Variants in AXL observed in about 807,000 individuals in gnomAD.
AXL encodes the protein AXL receptor tyrosine kinase.
AXL carries 52 observed loss-of-function variants against 104.5 expected under a neutral mutation model. The observed-to-expected ratio is 0.50, with a 90% CI of 0.40 to 0.63. The LOEUF is 0.63. AXL is among the 20% of genes least tolerant of loss of function. The pLI is 0.00. For synonymous variants in AXL, 455 were observed against 473.7 expected, an observed-to-expected ratio of 0.96 and a Z score of 0.51; for missense variants, 1,024 against 1,188.5, an observed-to-expected ratio of 0.86 and a Z score of 2.04.
Position 41,231,028 on chromosome 19 carries a change from C to T in AXL, c.648C>T (p.Ser216=). 3 of 1,613,980 alleles carry T rather than the reference C, an allele frequency of 1.9e-6. No homozygotes were observed. The highest frequency in any genetic ancestry group is 2.5e-6 in the Non-Finnish European group (3 of 1,179,910). ...ATAACGCCAAGGGGGTCACCACATC[C>T]CGCACAGCCACCATCACAGGTGACA... ...EAHNAKGVTT[S]RTATITVLPQ... Residue 216 remains serine, a synonymous_variant, in exon 5 of 20, where the codon TCC becomes TCT. Coordinates refer to ENST00000301178, the MANE Select transcript of AXL (RefSeq NM_021913.5).
chr19:41,259,483 C>A, intron 19 of AXL, 70 bp from the exon 20 acceptor site: 1 of 1,378,342 alleles, frequency 7.3e-7, no homozygotes, highest in Non-Finnish European at 9.9e-7. Flanking sequence ...CCTAAAATGT[C>A]CCCAGGCTTC....
At chr19:41,255,762 A>G (rs2034443283) in intron 17 of AXL, among the ~76,000 whole-genome samples, 2 of 147,470 alleles carry the variant, frequency 1.4e-5, no homozygotes, top group Admixed American at 6.8e-5. Context: ...TGTTTTTGAG[A>G]CGGAGTCTCA....
At chr19:41,253,792 C>A (rs1713253332) in intron 17 of AXL, 84 bp downstream of exon 17, 1 of 1,115,554 alleles carries the variant, frequency 9.0e-7, no homozygotes, top group Non-Finnish European at 1.3e-6. Context: ...AGGATGGAAG[C>A]AGGGCTAGAC....
At chr19:41,227,249 A>G (rs1179909391) in intron 4 of AXL, among the ~76,000 whole-genome samples, 1 of 152,124 alleles carries the variant, frequency 6.6e-6, no homozygotes, top group Non-Finnish European at 1.5e-5. Context: ...AGCCCCCACA[A>G]AAGCCTGAAA....
chr19:41,221,676 G>A (rs887145173), intron 3 of AXL: 3 of 577,364 alleles, frequency 5.2e-6, no homozygotes, highest in South Asian at 2.2e-5. Context: ...CTCAGCTATC[G>A]TGGGGGGTCT....
intron 10 of AXL, 61 bp from the exon 11 acceptor site, chr19:41,242,822 G>T: frequency 6.2e-7 from 1 of 1,601,802 alleles, no homozygotes; most frequent in Non-Finnish European, 8.5e-7. Flanking sequence ...TCACCCCTTT[G>T]GGTCCCAGAG....
At position 41,221,230 on chromosome 19, in the gene AXL, C is replaced by T. The variant is rs1272387410; in HGVS notation, c.393C>T (p.Gly131=). The T allele has an allele frequency of 1.9e-6, 3 of 1,613,890 alleles. No homozygotes were observed. Among genetic ancestry groups the T allele is most frequent in the Middle Eastern group, 1.7e-4 (1 of 6,060 alleles). ...ATCAGACCTTCGTGTCCCAGCCTGG[C>T]TATGTTGGGCTGGAGGGTGAGCTCT... ...LGHQTFVSQP[G]YVGLEGLPYF... Residue 131 remains glycine (G), a synonymous_variant, in exon 3 of 20, where the codon GGC becomes GGT. Transcript: ENST00000301178.
intron 10 of AXL, among the ~76,000 whole-genome samples, chr19:41,240,680 C>T (rs1240056717): frequency 6.6e-6 from 1 of 152,086 alleles, no homozygotes; most frequent in South Asian, 2.1e-4. Flanking sequence ...TTATTCCACC[C>T]TCCTTTCACA....
At chr19:41,243,374 C>T (rs1051967707) in intron 11 of AXL, among the ~76,000 whole-genome samples, 11 of 151,996 alleles carry the variant, frequency 7.2e-5, no homozygotes, top group Admixed American at 3.3e-4. Flanking sequence ...GAGCTGAGAT[C>T]GCATCACTGC....
chr19:41,220,283 A>G, intron 1 of AXL: 1 of 216,936 alleles, frequency 4.6e-6, no homozygotes, highest in Admixed American at 5.4e-5. Context: ...CCAACCCCTG[A>G]TTCTTCCCCT....
At chr19:41,248,406 C>T in intron 12 of AXL, 108 bp from the exon 13 acceptor site, 1 of 1,100,886 alleles carries the variant, frequency 9.1e-7, no homozygotes, top group Non-Finnish European at 1.4e-6. Context: ...TAAATCAGTG[C>T]AGAAGTATGT....
chr19:41,251,987 C>A (rs2122273705), intron 14 of AXL, among the ~76,000 whole-genome samples: 1 of 151,274 alleles, frequency 6.6e-6, no homozygotes, highest in South Asian at 2.1e-4. Flanking sequence ...GTGGCACACG[C>A]CTGTAGTCCC....
chr19:41,242,315 CTTTTTTTTTTTTT>C (rs574315254), intron 10 of AXL, among the ~76,000 whole-genome samples: 2 of 83,864 alleles, frequency 2.4e-5, no homozygotes, highest in Non-Finnish European at 2.1e-5. Flanking sequence ...CTGGCACTCT[CTTTTTTTTTTTTT>C]TTTTTTTTTT....
At chr19:41,256,866 C>A (rs1372468072) in intron 18 of AXL, among the ~76,000 whole-genome samples, 1 of 152,136 alleles carries the variant, frequency 6.6e-6, no homozygotes, top group Non-Finnish European at 1.5e-5. Context: ...GAAGAAGCTG[C>A]AGTGATTATG....
At chr19:41,223,006 A>G (rs538572469) in intron 4 of AXL, among the ~76,000 whole-genome samples, 275 of 151,416 alleles carry the variant, frequency 1.8e-3, no homozygotes, top group African/African-American at 6.4e-3. Context: ...CATAGACAGG[A>G]CAGAGAGGCC....
In AXL at chr19:41,257,574, G is replaced by C; in HGVS notation, c.2278G>C (p.Asp760His). Residue 760 changes from aspartate (D) to histidine (H), a missense_variant, in exon 19 of 20, where the codon GAC becomes CAC. Physicochemically the swap from Asp to His is moderately conservative, Grantham distance 81. This residue lies in a region of AXL where 523 missense variants were observed against 636.0 expected (regional missense o/e 0.82). Coordinates refer to ENST00000301178, the MANE Select transcript of AXL (RefSeq NM_021913.5). The stretch of plus-strand genomic sequence containing the variant: ...GGGCGTGGAGAACAGCGAGATTTAT[G>C]ACTATCTGCGCCAGGGAAATCGCCT... ...YPGVENSEIY[D>H]YLRQGNRLKQ... 1.2e-6 allele frequency: 2 copies of C among 1,614,192 alleles called. No homozygotes were observed. Among genetic ancestry groups the C allele is most frequent in the Non-Finnish European group, 1.7e-6 (2 of 1,180,034 alleles).
At position 41,231,081 on chromosome 19, in the gene AXL, A is replaced by C. The variant is rs759658392; in HGVS notation, c.667+34A>C. 9.9e-6 allele frequency: 16 copies of C among 1,612,962 alleles called. No homozygotes were observed. In the South Asian group the frequency reaches 1.8e-4, roughly 18 times the overall value. ...GTTGGGAGGTGGGGAGCTGGGCGTC[A>C]GAGGGTGGGGTTTGGGTCCGGGGTC... On this transcript the variant is annotated intron_variant, in intron 5 of 19. Coordinates refer to ENST00000301178, the MANE Select transcript of AXL (RefSeq NM_021913.5).
chr19:41,221,484 G>A, intron 3 of AXL: 3 of 522,214 alleles, frequency 5.7e-6, no homozygotes, highest in Admixed American at 3.7e-5. Context: ...CTTCTTGGGG[G>A]TAGTTGGATG....
intron 6 of AXL, 133 bp from the exon 7 acceptor site, chr19:41,237,811 T>A (rs1346448977): frequency 1.2e-6 from 1 of 810,368 alleles, no homozygotes; most frequent in African/African-American, 1.7e-5. Flanking sequence ...CGTGTTATCC[T>A]AGCATGGCAC....
Sources: allele counts gnomAD v4.1 joint callset (sites outside exome capture counted in the v4.1 genomes callset), GRCh38; gene constraint gnomAD v4.1.1; regional missense constraint gnomAD v4.1.1; transcripts MANE v1.5; gene names NCBI Gene and HGNC (gene_info 2026-07-23, HGNC 2026-07-21).